Variants in ZFPM2 observed in about 807,000 individuals in gnomAD.
ZFPM2 encodes the protein zinc finger protein ZFPM2.
In ZFPM2, 20 loss-of-function variants were observed where a neutral mutation model predicts 98.6. The ratio of observed to expected loss-of-function variants is 0.20; its 90% CI spans 0.14 to 0.29. The LOEUF is 0.29. Among genes scored for constraint, ZFPM2 ranks in the 10% least tolerant of loss-of-function variants. The probability of loss-of-function intolerance (pLI) is 1.00; values close to 1 mark genes in which losing one functional copy is unlikely to be tolerated. For missense variants in ZFPM2, 1,310 were observed against 1,388.6 expected (o/e 0.94, Z 0.90); for synonymous variants, 518 against 502.7 (o/e 1.03, Z -0.41).
At chr8:105,781,962 A>G (rs1433751892) in intron 5 of ZFPM2, among the ~76,000 whole-genome samples, 1 of 152,100 alleles carries the variant, frequency 6.6e-6, no homozygotes, top group Non-Finnish European at 1.5e-5. Context: ...ATGGCTTGGG[A>G]CACCTAGTTT....
chr8:105,781,709 A>G (rs946132248), intron 5 of ZFPM2, among the ~76,000 whole-genome samples: 7 of 152,198 alleles, frequency 4.6e-5, no homozygotes, highest in Non-Finnish European at 1.0e-4. Flanking sequence ...TGACAGAGTG[A>G]GACCCTATCT....
chr8:105,537,554 G>A (rs1376515293), intron 3 of ZFPM2, among the ~76,000 whole-genome samples: 1 of 152,074 alleles, frequency 6.6e-6, no homozygotes, highest in Non-Finnish European at 1.5e-5. Flanking sequence ...ATGATGGCAT[G>A]TGCCTGTAGT....
chr8:105,369,217 T>A (rs2129803426), intron 1 of ZFPM2, among the ~76,000 whole-genome samples: 1 of 152,264 alleles, frequency 6.6e-6, no homozygotes, highest in Non-Finnish European at 1.5e-5. Flanking sequence ...AGATTAATAA[T>A]CCCTCTTTGT....
In ZFPM2 at chr8:105,803,822, T is replaced by C. The variant is rs1814123537; in HGVS notation, c.*284T>C. 5.5e-6 allele frequency: 2 copies of C among 365,014 alleles called. No homozygotes were observed. Among genetic ancestry groups the C allele is most frequent in the Admixed American group, 4.2e-5 (1 of 23,600 alleles). The allele number at this position is 365,014 out of a possible 1,614,324, so 22.6% of individuals were successfully genotyped here. On this transcript the variant is annotated 3_prime_UTR_variant, in exon 8 of 8. Coordinates refer to ENST00000407775, the MANE Select transcript of ZFPM2 (RefSeq NM_012082.4). ...ATTAAAGTCATTTGTAATGTTATTG[T>C]ATAGTTATTGTGTAGCACATATGGT...
At chr8:105,769,176 C>T (rs1336092076) in intron 5 of ZFPM2, among the ~76,000 whole-genome samples, 7 of 151,978 alleles carry the variant, frequency 4.6e-5, no homozygotes, top group Non-Finnish European at 4.4e-5. Context: ...CTCCAAAACA[C>T]ATATTCACCT....
At chr8:105,531,346 G>T (rs1221031531) in intron 3 of ZFPM2, among the ~76,000 whole-genome samples, 5 of 152,124 alleles carry the variant, frequency 3.3e-5, no homozygotes, top group Non-Finnish European at 1.5e-5. Flanking sequence ...ATCCTTCCTT[G>T]CCTCTTCCTA....
intron 4 of ZFPM2, among the ~76,000 whole-genome samples, chr8:105,565,878 A>G (rs1815233325): frequency 1.3e-5 from 2 of 152,144 alleles, no homozygotes; most frequent in Admixed American, 6.6e-5. Context: ...AAACAGAACA[A>G]CAGGATGTGT....
chr8:105,559,026 T>C (rs1201012595), intron 3 of ZFPM2, among the ~76,000 whole-genome samples: 1 of 152,148 alleles, frequency 6.6e-6, no homozygotes, highest in African/African-American at 2.4e-5. Flanking sequence ...TATGCATATA[T>C]TGAGTCGTGT....
intron 4 of ZFPM2, among the ~76,000 whole-genome samples, chr8:105,622,628 G>A (rs963679312): frequency 4.6e-5 from 7 of 152,112 alleles, no homozygotes; most frequent in African/African-American, 1.7e-4. Context: ...CTGAACAAAG[G>A]TCCTTTGGGT....
chr8:105,752,791 T>TA (rs1409287332), intron 5 of ZFPM2, among the ~76,000 whole-genome samples: 8 of 152,236 alleles, frequency 5.3e-5, no homozygotes, highest in African/African-American at 1.7e-4. Flanking sequence ...CCTCTATAGA[T>TA]ACTTGAAAAT....
At chr8:105,482,108 T>G (rs1813131887) in intron 3 of ZFPM2, among the ~76,000 whole-genome samples, 1 of 152,248 alleles carries the variant, frequency 6.6e-6, no homozygotes, top group Non-Finnish European at 1.5e-5. Context: ...TCTTCCATTA[T>G]GACAATGGAT....
chr8:105,758,503 A>G (rs1239638038), intron 5 of ZFPM2, among the ~76,000 whole-genome samples: 2 of 152,158 alleles, frequency 1.3e-5, no homozygotes, highest in East Asian at 1.9e-4. Flanking sequence ...AGGCTCTACA[A>G]TGAATATTTA....
At chr8:105,747,153 A>G (rs918410418) in intron 5 of ZFPM2, among the ~76,000 whole-genome samples, 1 of 152,068 alleles carries the variant, frequency 6.6e-6, no homozygotes, top group African/African-American at 2.4e-5. Flanking sequence ...TATCATCTTT[A>G]TTTTTAAGAA....
intron 1 of ZFPM2, among the ~76,000 whole-genome samples, chr8:105,337,366 T>G (rs1253866837): frequency 6.6e-6 from 1 of 151,812 alleles, no homozygotes; most frequent in Non-Finnish European, 1.5e-5. Context: ...ACTTGAGGAA[T>G]TTGAAGAAAT....
In ZFPM2 at chr8:105,801,816, G is replaced by T. The variant is rs775101596; in HGVS notation, c.1734G>T (p.Met578Ile). ...KHYCSSRWQQ[M>I]AKSPEFPSVS... ...ATTGCAGCAGCCGATGGCAGCAGATGGCTAAGTCCCCAGAGTTCCCTAGTG... is the reference window on the plus strand; with the variant it reads ...ATTGCAGCAGCCGATGGCAGCAGATTGCTAAGTCCCCAGAGTTCCCTAGTG... Residue 578 changes from methionine (M) to isoleucine (I), a missense_variant, in exon 8 of 8, where the codon ATG becomes ATT. Transcript: ENST00000407775. The T allele has an allele frequency of 6.2e-7, 1 of 1,613,922 alleles. No homozygotes were observed. The highest frequency in any genetic ancestry group is 8.5e-7 in the Non-Finnish European group (1 of 1,179,866).
At chr8:105,399,662 C>G (rs1811295052) in intron 1 of ZFPM2, among the ~76,000 whole-genome samples, 1 of 152,008 alleles carries the variant, frequency 6.6e-6, no homozygotes, top group Non-Finnish European at 1.5e-5. Context: ...AAAACATTAA[C>G]ACATGATTTA....
intron 1 of ZFPM2, among the ~76,000 whole-genome samples, chr8:105,396,368 C>T (rs1210967340): frequency 1.3e-5 from 2 of 152,174 alleles, no homozygotes; most frequent in African/African-American, 4.8e-5. Flanking sequence ...GAGTACCTGC[C>T]TTTCTCTGGC....
intron 5 of ZFPM2, among the ~76,000 whole-genome samples, chr8:105,775,958 CT>C (rs1813095513): frequency 6.6e-6 from 1 of 152,072 alleles, no homozygotes; most frequent in Non-Finnish European, 1.5e-5. Context: ...CGGGACAAAA[CT>C]TTCTGAGCTT....
At chr8:105,503,601 G>A (rs900200595) in intron 3 of ZFPM2, among the ~76,000 whole-genome samples, 6 of 152,166 alleles carry the variant, frequency 3.9e-5, no homozygotes, top group Non-Finnish European at 1.5e-5. Flanking sequence ...CTTGATATCT[G>A]TGAGCAGGGT....
Sources: gnomAD v4.1 joint callset for allele counts (sites outside exome capture counted in the v4.1 genomes callset) on GRCh38, gnomAD v4.1.1 for gene constraint, MANE v1.5 for transcripts, NCBI Gene and HGNC (gene_info 2026-07-23, HGNC 2026-07-21) for gene names.